Variants in NPAS3 observed in about 807,000 individuals in gnomAD.
NPAS3 encodes neuronal PAS domain protein 3.
Under a neutral mutation model 73.1 loss-of-function variants are expected in NPAS3, and 14 were observed. That is an observed-to-expected ratio of 0.19 (90% CI 0.13 to 0.30). The LOEUF is 0.30. NPAS3 is among the 10% of genes least tolerant of loss of function. The pLI is 1.00. For missense variants in NPAS3, 1,096 were observed against 1,250.0 expected (o/e 0.88, Z 1.86); for synonymous variants, 620 against 541.5 (o/e 1.14, Z -2.01).
rs1298215070 is a variant in NPAS3, at chr14:32,941,287, C to CCCCT, written c.50+1923_50+1924insCTCC. ...CCTTCCCCTCCCCTCCTCCCTCCCT[C>CCCCT]CCTCCCTCCCTCCCTCCCTCCCTCC... On this transcript the variant is annotated intron_variant, in intron 1 of 11. Transcript: ENST00000356141. Among the ~76,000 whole-genome samples, 148 of 34,748 alleles carry CCCCT rather than the reference C, an allele frequency of 4.3e-3. 4 individuals are homozygous for CCCCT. The highest frequency in any genetic ancestry group is 8.2e-3 in the South Asian group (4 of 488). 22.8% of individuals were successfully genotyped at this position (34,748 alleles called of 152,430 possible).
chr14:33,455,973 C>T (rs751498011), intron 4 of NPAS3, among the ~76,000 whole-genome samples: 1 of 152,134 alleles, frequency 6.6e-6, no homozygotes. Context: ...TGTCCAAAAC[C>T]ATGTCTTTGT....
chr14:33,526,573 T>C (rs960979709), intron 4 of NPAS3, among the ~76,000 whole-genome samples: 58 of 151,738 alleles, frequency 3.8e-4, no homozygotes, highest in African/African-American at 1.3e-3. Context: ...GGGGGATCAG[T>C]GAATAGGGTC....
chr14:33,275,346 G>C (rs777895539), intron 3 of NPAS3, among the ~76,000 whole-genome samples: 2 of 152,090 alleles, frequency 1.3e-5, no homozygotes, highest in Non-Finnish European at 2.9e-5. Context: ...AAAGAAAAAG[G>C]CTACATTCTT....
At chr14:33,680,646 C>A (rs868753642) in intron 6 of NPAS3, 7 of 702,520 alleles carry the variant, frequency 1.0e-5, no homozygotes, top group African/African-American at 1.7e-5. Context: ...TTCTGTAGGA[C>A]CCCTGTCAGG....
At chr14:33,268,535 T>C (rs1490166829) in intron 3 of NPAS3, among the ~76,000 whole-genome samples, 2 of 152,138 alleles carry the variant, frequency 1.3e-5, no homozygotes, top group Admixed American at 6.5e-5. Flanking sequence ...TCCTTTATTG[T>C]ATCTCTTTTT....
chr14:33,048,905 T>C (rs1471725165), intron 1 of NPAS3, among the ~76,000 whole-genome samples: 2 of 152,218 alleles, frequency 1.3e-5, no homozygotes. Context: ...AGGAAGATGA[T>C]GTGTGTACAC....
intron 5 of NPAS3, among the ~76,000 whole-genome samples, chr14:33,636,562 G>C (rs773787663): frequency 2.0e-5 from 3 of 152,180 alleles, no homozygotes; most frequent in Non-Finnish European, 2.9e-5. Flanking sequence ...CACTTACGTG[G>C]TATGTGGCAG....
chr14:33,475,915 A>G (rs1397267558), intron 4 of NPAS3, among the ~76,000 whole-genome samples: 3 of 152,194 alleles, frequency 2.0e-5, no homozygotes, highest in Non-Finnish European at 2.9e-5. Flanking sequence ...TCTGCCTTCC[A>G]GAGAAGGACC....
At chr14:33,509,606 A>G (rs2052940925) in intron 4 of NPAS3, among the ~76,000 whole-genome samples, 1 of 152,038 alleles carries the variant, frequency 6.6e-6, no homozygotes, top group Admixed American at 6.5e-5. Flanking sequence ...CATTAGGCTC[A>G]GTTAAGGAGA....
intron 2 of NPAS3, among the ~76,000 whole-genome samples, chr14:33,177,070 TTTTATTATTATTATTA>T (rs1055790179): frequency 1.8e-5 from 2 of 113,058 alleles, no homozygotes; most frequent in African/African-American, 6.2e-5. Flanking sequence ...CTGTTTATCT[TTTTATTATTATTATTA>T]TTATTATTAT....
intron 3 of NPAS3, among the ~76,000 whole-genome samples, chr14:33,284,770 ATCTATCTATCTATCTATC>A (rs1460475702): frequency 6.1e-5 from 1 of 16,264 alleles, no homozygotes; most frequent in South Asian, 2.2e-3. Context: ...ATCTATATCT[ATCTATCTATCTATCTATC>A]TATCTATCTA....
intron 4 of NPAS3, among the ~76,000 whole-genome samples, chr14:33,557,676 G>A (rs547704765): frequency 1.3e-5 from 2 of 152,336 alleles, no homozygotes; most frequent in Admixed American, 1.3e-4. Flanking sequence ...TATATAAAAT[G>A]TAGATAATAA....
chr14:33,614,911 GTAAGAAGCAA>G (rs1290901316), intron 5 of NPAS3, among the ~76,000 whole-genome samples: 2 of 123,694 alleles, frequency 1.6e-5, no homozygotes, highest in African/African-American at 8.2e-5. Flanking sequence ...AAAGCAGAAT[GTAAGAAGCAA>G]TGTAAGAATT....
chr14:33,376,296 T>G (rs1417067743), intron 4 of NPAS3, among the ~76,000 whole-genome samples: 1 of 152,224 alleles, frequency 6.6e-6, no homozygotes, highest in Non-Finnish European at 1.5e-5. Context: ...TAACATCTTT[T>G]ATTTAAACAA....
intron 5 of NPAS3, among the ~76,000 whole-genome samples, chr14:33,601,768 T>G (rs1167920683): frequency 6.6e-6 from 1 of 152,230 alleles, no homozygotes; most frequent in Non-Finnish European, 1.5e-5. Context: ...ATTTTCATCA[T>G]TATCAATGTC....
At chr14:33,377,735 C>T (rs1445692458) in intron 4 of NPAS3, among the ~76,000 whole-genome samples, 1 of 152,104 alleles carries the variant, frequency 6.6e-6, no homozygotes, top group African/African-American at 2.4e-5. Flanking sequence ...GGAGGAAAGC[C>T]ATGGTATTTG....
chr14:33,399,805 A>G (rs927461851), intron 4 of NPAS3, among the ~76,000 whole-genome samples: 2 of 152,108 alleles, frequency 1.3e-5, no homozygotes, highest in Non-Finnish European at 2.9e-5. Flanking sequence ...TTCAAAGACA[A>G]TATGAGTAGT....
intron 2 of NPAS3, among the ~76,000 whole-genome samples, chr14:33,066,025 A>G (rs2041266077): frequency 6.6e-6 from 1 of 152,164 alleles, no homozygotes; most frequent in South Asian, 2.1e-4. Flanking sequence ...TTGAGGCACC[A>G]TCTGGATGTC....
intron 1 of NPAS3, among the ~76,000 whole-genome samples, chr14:32,981,736 T>C (rs1317610404): frequency 6.6e-6 from 1 of 152,192 alleles, no homozygotes; most frequent in Non-Finnish European, 1.5e-5. Context: ...TCCTGCTTCA[T>C]CTTGGGGTGG....
Sources: gnomAD v4.1 joint callset for allele counts (sites outside exome capture counted in the v4.1 genomes callset) on GRCh38, gnomAD v4.1.1 for gene constraint, MANE v1.5 for transcripts, NCBI Gene and HGNC (gene_info 2026-07-23, HGNC 2026-07-21) for gene names.